Variants in GUCY1A2 observed in about 807,000 individuals in gnomAD.
GUCY1A2 encodes the protein guanylate cyclase soluble subunit alpha-2.
GUCY1A2 carries 27 observed loss-of-function variants against 63.5 expected under a neutral mutation model. The ratio of observed to expected loss-of-function variants is 0.43; its 90% CI spans 0.31 to 0.59. The LOEUF (loss-of-function observed/expected upper bound fraction) is 0.59. Ranked by LOEUF, GUCY1A2 falls within the 20% of genes least tolerant of loss-of-function variation. GUCY1A2 has a pLI of 0.11. For synonymous variants in GUCY1A2, 364 were observed against 343.5 expected, an observed-to-expected ratio of 1.06 and a Z score of -0.66; for missense variants, 768 against 913.3, an observed-to-expected ratio of 0.84 and a Z score of 2.05.
chr11:106,862,874 C>A (rs551070971), intron 4 of GUCY1A2, among the ~76,000 whole-genome samples: 1 of 152,068 alleles, frequency 6.6e-6, no homozygotes, highest in African/African-American at 2.4e-5. Context: ...TGCTTTTAAA[C>A]TTCTCTCTTT....
intron 4 of GUCY1A2, among the ~76,000 whole-genome samples, chr11:106,900,072 C>A (rs1043119084): frequency 7.4e-6 from 1 of 134,348 alleles, no homozygotes; most frequent in African/African-American, 2.8e-5. Flanking sequence ...GGCGACAGAG[C>A]GAGACTCCGT....
At chr11:106,922,677 A>AGT (rs1371478567) in intron 4 of GUCY1A2, among the ~76,000 whole-genome samples, 1 of 3,990 alleles carries the variant, frequency 2.5e-4, no homozygotes, top group Non-Finnish European at 8.8e-4. Context: ...ATATATATAT[A>AGT]TATATATATA....
chr11:106,896,351 T>C (rs1281947749), intron 4 of GUCY1A2, among the ~76,000 whole-genome samples: 3 of 152,148 alleles, frequency 2.0e-5, no homozygotes, highest in Non-Finnish European at 4.4e-5. Context: ...TCTCTACAGC[T>C]AACATTATTC....
At chr11:106,834,039 T>C (rs1369643959) in intron 4 of GUCY1A2, among the ~76,000 whole-genome samples, 1 of 152,074 alleles carries the variant, frequency 6.6e-6, no homozygotes, top group Non-Finnish European at 1.5e-5. Context: ...CTAATTAACA[T>C]ATCCATATTT....
intron 2 of GUCY1A2, among the ~76,000 whole-genome samples, chr11:106,983,064 C>T (rs747341515): frequency 6.6e-6 from 1 of 152,128 alleles, no homozygotes; most frequent in Non-Finnish European, 1.5e-5. Flanking sequence ...GATTCTGATG[C>T]ACATTAACAT....
intron 4 of GUCY1A2, among the ~76,000 whole-genome samples, chr11:106,902,463 C>T (rs1173526113): frequency 6.6e-6 from 1 of 152,220 alleles, no homozygotes; most frequent in Non-Finnish European, 1.5e-5. Context: ...CTTCTCCTCT[C>T]TAGCTATGAA....
chr11:106,908,705 C>T (rs1173443673), intron 4 of GUCY1A2, among the ~76,000 whole-genome samples: 1 of 151,886 alleles, frequency 6.6e-6, no homozygotes. Flanking sequence ...AATAAAAGAA[C>T]ACTTTAACAG....
At chr11:106,826,761 C>T in intron 4 of GUCY1A2, 1 of 1,611,158 alleles carries the variant, frequency 6.2e-7, no homozygotes, top group South Asian at 1.1e-5. Context: ...TCTGTCTAGC[C>T]TGGGTCCACA....
At chr11:106,985,025 A>T (rs1861383612) in intron 2 of GUCY1A2, among the ~76,000 whole-genome samples, 1 of 152,200 alleles carries the variant, frequency 6.6e-6, no homozygotes, top group African/African-American at 2.4e-5. Flanking sequence ...TGTACTAGGT[A>T]CCGAGATTAT....
intron 7 of GUCY1A2, among the ~76,000 whole-genome samples, chr11:106,698,260 T>G (rs1460786481): frequency 6.7e-6 from 1 of 150,276 alleles, no homozygotes; most frequent in Non-Finnish European, 1.5e-5. Context: ...ACTGAGACTT[T>G]AGGCACATGC....
At chr11:106,977,958 A>G (rs746158669) in intron 3 of GUCY1A2, among the ~76,000 whole-genome samples, 2 of 152,174 alleles carry the variant, frequency 1.3e-5, no homozygotes, top group African/African-American at 4.8e-5. Flanking sequence ...CATGGAATAC[A>G]ATGTAGCTCT....
intron 3 of GUCY1A2, among the ~76,000 whole-genome samples, chr11:106,974,232 A>C (rs1285320010): frequency 1.3e-5 from 2 of 152,138 alleles, no homozygotes; most frequent in African/African-American, 2.4e-5. Flanking sequence ...CTATAATGGC[A>C]GAAGTTATTT....
intron 4 of GUCY1A2, among the ~76,000 whole-genome samples, chr11:106,884,525 C>A (rs1278269306): frequency 6.6e-6 from 1 of 151,922 alleles, no homozygotes; most frequent in Non-Finnish European, 1.5e-5. Context: ...TGGGAACAAG[C>A]CACGTGGAAG....
At chr11:106,983,815 T>G (rs532286655) in intron 2 of GUCY1A2, among the ~76,000 whole-genome samples, 1 of 152,302 alleles carries the variant, frequency 6.6e-6, no homozygotes, top group South Asian at 2.1e-4. Flanking sequence ...ATTATGCTTG[T>G]CGGCACTTAC....
chr11:106,761,444 T>A (rs891581091), intron 6 of GUCY1A2, among the ~76,000 whole-genome samples: 1 of 152,124 alleles, frequency 6.6e-6, no homozygotes, highest in African/African-American at 2.4e-5. Flanking sequence ...ACAGTCATAG[T>A]TGCAACGTTT....
At chr11:106,734,866 C>G (rs546201721) in intron 6 of GUCY1A2, among the ~76,000 whole-genome samples, 2 of 151,994 alleles carry the variant, frequency 1.3e-5, no homozygotes, top group Non-Finnish European at 2.9e-5. Context: ...GACCCATGGT[C>G]TTTCTTCAAA....
At chr11:106,729,130 G>A (rs1863456785) in intron 6 of GUCY1A2, among the ~76,000 whole-genome samples, 1 of 152,110 alleles carries the variant, frequency 6.6e-6, no homozygotes, top group South Asian at 2.1e-4. Context: ...CATGCTATAA[G>A]CAAATAAATA....
intron 4 of GUCY1A2, among the ~76,000 whole-genome samples, chr11:106,825,631 C>G (rs1382140422): frequency 1.4e-5 from 2 of 141,306 alleles, no homozygotes; most frequent in Non-Finnish European, 3.1e-5. Context: ...CAGAGGCTCA[C>G]TGAGTGATAC....
rs1862351244 is a variant in GUCY1A2 at position 106,676,631 on chromosome 11, A to G, written c.*10918T>C. ...CTGAATTACAGAAGGGTATCTAAGAAAGAAGACAGTGCATCAGTTATCTCT... is the reference window on the plus strand; with the variant it reads ...CTGAATTACAGAAGGGTATCTAAGAGAGAAGACAGTGCATCAGTTATCTCT... On this transcript the variant is annotated 3_prime_UTR_variant, in exon 8 of 8. Coordinates refer to ENST00000526355, the MANE Select transcript of GUCY1A2 (RefSeq NM_000855.3). 5.2e-6 allele frequency: 1 copy of G among 190,838 alleles called. No individual in the cohort carries two copies. The highest frequency in any genetic ancestry group is 2.3e-5 in the African/African-American group (1 of 43,120). 11.8% of individuals were successfully genotyped at this position (190,838 alleles called of 1,614,324 possible). A position where few individuals can be genotyped will look rare whatever the true frequency, so the allele number is the denominator to read the frequency against.
Sources: allele counts gnomAD v4.1 joint callset (sites outside exome capture counted in the v4.1 genomes callset), GRCh38; gene constraint gnomAD v4.1.1; transcripts MANE v1.5; gene names NCBI Gene and HGNC (gene_info 2026-07-23, HGNC 2026-07-21).